The following FHIT variants were observed in gnomAD, a reference collection of about 807,000 sequenced individuals.
The protein encoded by FHIT is bis(5'-adenosyl)-triphosphatase.
A neutral mutation model predicts 17.9 loss-of-function variants in FHIT; 19 were observed. That is an observed-to-expected ratio of 1.06 (90% CI 0.74 to 1.56). FHIT has a LOEUF of 1.56. Ranked by LOEUF, FHIT falls within the 40% of genes most tolerant of loss-of-function variation. FHIT has a pLI of 0.00. For synonymous variants in FHIT, 81 were observed against 69.7 expected (o/e 1.16, Z -0.81); for missense variants, 248 against 189.2 (o/e 1.31, Z -1.82).
At position 61,121,119 on chromosome 3, in the gene FHIT, T is replaced by C. The variant is rs545219711; in HGVS notation, c.-163-79020A>G. Among the ~76,000 whole-genome samples the C allele has an allele frequency of 1.2e-4, 18 of 152,142 alleles. No homozygotes were observed. In the South Asian group the frequency reaches 3.7e-3, roughly 32 times the overall value. On this transcript the variant is annotated intron_variant, in intron 2 of 9. Coordinates refer to ENST00000492590, the MANE Select transcript of FHIT (RefSeq NM_002012.4). The stretch of plus-strand genomic sequence containing the variant: ...GTGAAAAGACCAAACCTACAACTGA[T>C]TGGTGTACCTGAAAGTGACAGGAGA...
chr3:60,015,781 C>T lies in FHIT; in HGVS notation c.104-1629G>A, dbSNP rs186501157. On this transcript the variant is annotated intron_variant, in intron 5 of 9. Transcript: ENST00000492590. ...CTTCAACAATGGCTTACTGTGAAAA[C>T]TGGTGGAATAAATCAGACAACCTAT... is the stretch of plus-strand genomic sequence containing the variant. Among the ~76,000 whole-genome samples the T allele has an allele frequency of 3.9e-5, 6 of 152,306 alleles. No homozygotes were observed. The East Asian group carries it at 9.6e-4, about 24-fold the overall frequency.
rs182663253 is a variant in FHIT at position 60,435,057 on chromosome 3, C to T, written c.103+101803G>A. 2.2e-3 allele frequency among the ~76,000 whole-genome samples: 341 copies of T among 152,178 alleles called. 1 individual carries two copies. Among genetic ancestry groups the T allele is most frequent in the Non-Finnish European group, 3.8e-3 (259 of 67,994 alleles). On this transcript the variant is annotated intron_variant, in intron 5 of 9. Transcript: ENST00000492590. Reference sequence around the variant, plus strand: ...AAAATACAAAGTATCCTTATCAGACCACCCCTTATCAGCCACTTCACAGCA... The same window carrying T: ...AAAATACAAAGTATCCTTATCAGACTACCCCTTATCAGCCACTTCACAGCA...
intron 5 of FHIT, among the ~76,000 whole-genome samples, chr3:60,382,750 T>G (rs1387521237): frequency 6.6e-6 from 1 of 152,182 alleles, no homozygotes; most frequent in Non-Finnish European, 1.5e-5. Flanking sequence ...GGGCTTTCAT[T>G]AACTAAAAAG....
intron 8 of FHIT, among the ~76,000 whole-genome samples, chr3:59,804,925 G>A (rs1335925092): frequency 1.3e-5 from 2 of 152,128 alleles, no homozygotes; most frequent in Admixed American, 6.5e-5. Flanking sequence ...AGGTTGGTGG[G>A]CTCTCTCGAG....
At chr3:61,218,722 T>C (rs2039753750) in intron 1 of FHIT, among the ~76,000 whole-genome samples, 1 of 152,172 alleles carries the variant, frequency 6.6e-6, no homozygotes, top group African/African-American at 2.4e-5. Flanking sequence ...ACCGTAATCA[T>C]ATAGTGTCTT....
At chr3:60,139,074 C>T (rs926974685) in intron 5 of FHIT, among the ~76,000 whole-genome samples, 3 of 152,152 alleles carry the variant, frequency 2.0e-5, no homozygotes, top group East Asian at 1.9e-4. Flanking sequence ...AGAAAGTTGG[C>T]TTCAGTCTCA....
At chr3:61,249,496 T>G (rs183268394) in intron 1 of FHIT, among the ~76,000 whole-genome samples, 1 of 152,148 alleles carries the variant, frequency 6.6e-6, no homozygotes, top group Non-Finnish European at 1.5e-5. Context: ...GCCAGAAAGG[T>G]TGGACTCCTC....
At chr3:59,959,777 T>C (rs1707578196) in intron 7 of FHIT, among the ~76,000 whole-genome samples, 1 of 152,080 alleles carries the variant, frequency 6.6e-6, no homozygotes, top group African/African-American at 2.4e-5. Context: ...AGATAATACT[T>C]GAAAGGAAAG....
chr3:60,995,190 AG>A (rs1456961517), intron 3 of FHIT, among the ~76,000 whole-genome samples: 3 of 152,020 alleles, frequency 2.0e-5, no homozygotes, highest in Non-Finnish European at 4.4e-5. Flanking sequence ...GCGTGGTGGC[AG>A]GCGCCTGAGT....
chr3:60,860,550 TATGTATCATATATCAGGTATATATGATAC>T, intron 3 of FHIT, among the ~76,000 whole-genome samples: 1 of 17,290 alleles, frequency 5.8e-5, no homozygotes, highest in Non-Finnish European at 2.5e-4. Flanking sequence ...ATATGATACA[TATGTATCATATATCAGGTATATATGATAC>T]ATATGTATCA....
intron 5 of FHIT, among the ~76,000 whole-genome samples, chr3:60,296,716 C>T (rs550077494): frequency 2.6e-5 from 4 of 152,006 alleles, no homozygotes; most frequent in East Asian, 3.9e-4. Context: ...AGTCCAAGAA[C>T]CCTTTGCCTA....
intron 5 of FHIT, among the ~76,000 whole-genome samples, chr3:60,254,972 G>C (rs1705915560): frequency 6.6e-6 from 1 of 152,100 alleles, no homozygotes. Context: ...TCATGTTCTT[G>C]ACATATTTTT....
intron 3 of FHIT, among the ~76,000 whole-genome samples, chr3:60,889,964 T>C (rs1195141831): frequency 6.6e-6 from 1 of 152,204 alleles, no homozygotes; most frequent in Non-Finnish European, 1.5e-5. Context: ...ACCCTTATGC[T>C]AGCTCCAGCT....
intron 5 of FHIT, among the ~76,000 whole-genome samples, chr3:60,472,260 G>C (rs561380064): frequency 6.6e-6 from 1 of 151,618 alleles, no homozygotes; most frequent in African/African-American, 2.4e-5. Flanking sequence ...TAGGTCCTTA[G>C]GCCCATTTAT....
At chr3:60,728,645 C>A (rs1553710248) in intron 4 of FHIT, among the ~76,000 whole-genome samples, 1 of 150,998 alleles carries the variant, frequency 6.6e-6, no homozygotes, top group Non-Finnish European at 1.5e-5. Flanking sequence ...ATATTAGATA[C>A]TTGACCAATT....
rs575906931 is a variant in FHIT at position 60,826,368 on chromosome 3, C to T, written c.-110-4357G>A. 3.3e-5 allele frequency among the ~76,000 whole-genome samples: 5 copies of T among 152,080 alleles called. No individual in the cohort carries two copies. The East Asian group carries it at 9.7e-4, about 29-fold the overall frequency. On this transcript the variant is annotated intron_variant, in intron 3 of 9. Transcript: ENST00000492590. The stretch of plus-strand genomic sequence containing the variant: ...TGAGATGGACTTTCACACTTGTTGC[C>T]CAGGCTGAAGTGCAATGGCACAATC...
intron 5 of FHIT, among the ~76,000 whole-genome samples, chr3:60,495,199 T>G (rs9869160): frequency 0.25 from 38,616 of 151,816 alleles, 5,356 homozygotes; most frequent in Middle Eastern, 0.41. Context: ...GTTGTAGTTC[T>G]GATTTGCATT....
chr3:60,097,041 A>AAAAAG (rs60697169), intron 5 of FHIT, among the ~76,000 whole-genome samples: 1 of 144,944 alleles, frequency 6.9e-6, no homozygotes, highest in East Asian at 2.0e-4. Flanking sequence ...AAAAAAAAAA[A>AAAAAG]GGAATAGAAG....
At chr3:60,868,550 A>G (rs112888341) in intron 3 of FHIT, among the ~76,000 whole-genome samples, 1,986 of 152,252 alleles carry the variant, frequency 0.013, 53 homozygotes, top group African/African-American at 0.045. Flanking sequence ...TCATACAATC[A>G]GAGCTCCCTT....
Sources: gnomAD v4.1 joint callset for allele counts (sites outside exome capture counted in the v4.1 genomes callset) on GRCh38, gnomAD v4.1.1 for gene constraint, MANE v1.5 for transcripts, NCBI Gene and HGNC (gene_info 2026-07-23, HGNC 2026-07-21) for gene names.